Variants in AMOTL1 observed in about 807,000 individuals in gnomAD.
AMOTL1 encodes angiomotin-like protein 1.
Under a neutral mutation model 102.9 loss-of-function variants are expected in AMOTL1, and 45 were observed. The observed-to-expected ratio is 0.44, with a 90% CI of 0.34 to 0.56. AMOTL1 has a LOEUF of 0.56. AMOTL1 is among the 20% of genes least tolerant of loss of function. The pLI, the probability that AMOTL1 is intolerant of heterozygous loss-of-function variation, is 0.01. For missense variants in AMOTL1, 1,114 were observed against 1,225.6 expected (o/e 0.91, Z 1.36); for synonymous variants, 481 against 484.7 (o/e 0.99, Z 0.10).
intron 1 of AMOTL1, among the ~76,000 whole-genome samples, chr11:94,714,308 T>A (rs76815245): frequency 0.022 from 3,354 of 152,196 alleles, 131 homozygotes; most frequent in African/African-American, 0.075. Context: ...TAAGGATTTT[T>A]GCATCCCAGT....
Position 94,768,524 on chromosome 11 carries a change from A to G in AMOTL1, c.13A>G (p.Lys5Glu). Residue 5 changes from lysine to glutamate, a missense_variant, in exon 1 of 13, where the codon AAG (lysine) becomes GAG (glutamate). By Grantham distance (56) the Lys-to-Glu change is moderately conservative. Coordinates refer to ENST00000433060, the MANE Select transcript of AMOTL1 (RefSeq NM_130847.3). ...CCATGATCGCCTCATGTGGAGGGCAAAGTTGCGCCGGGGAACTTGTGAGCC... is the reference window on the plus strand; with the variant it reads ...CCATGATCGCCTCATGTGGAGGGCAGAGTTGCGCCGGGGAACTTGTGAGCC... MWRA[K>E]LRRGTCEPAV... 1.9e-6 allele frequency: 3 copies of G among 1,602,062 alleles called. No homozygotes were observed. Among genetic ancestry groups the G allele is most frequent in the Non-Finnish European group, 2.6e-6 (3 of 1,174,842 alleles).
chr11:94,748,848 A>T (rs980818179), intron 3 of AMOTL1, among the ~76,000 whole-genome samples: 18 of 152,176 alleles, frequency 1.2e-4, no homozygotes, highest in Non-Finnish European at 2.1e-4. Context: ...AAGAGAACTC[A>T]GTGTACCTAC....
At chr11:94,735,509 C>A (rs1246558399) in intron 2 of AMOTL1, among the ~76,000 whole-genome samples, 1 of 152,128 alleles carries the variant, frequency 6.6e-6, no homozygotes, top group Non-Finnish European at 1.5e-5. Context: ...TTACTGTTTT[C>A]TAATGGTTGA....
At chr11:94,716,016 C>A (rs1950090540) in intron 1 of AMOTL1, among the ~76,000 whole-genome samples, 2 of 151,982 alleles carry the variant, frequency 1.3e-5, no homozygotes. Flanking sequence ...TGTTTTGATC[C>A]TACAGAGCCT....
At chr11:94,725,481 TATG>T (rs1950242804) in intron 1 of AMOTL1, among the ~76,000 whole-genome samples, 1 of 152,170 alleles carries the variant, frequency 6.6e-6, no homozygotes, top group Non-Finnish European at 1.5e-5. Context: ...GTGCCTCCCT[TATG>T]ATGACACTGT....
chr11:94,717,178 G>A (rs1037280535), intron 1 of AMOTL1, among the ~76,000 whole-genome samples: 4 of 151,236 alleles, frequency 2.6e-5, no homozygotes, highest in African/African-American at 7.3e-5. Context: ...TCCATATTTC[G>A]GAGTCCTTTT....
chr11:94,712,511 T>C (rs1348822719), intron 1 of AMOTL1, among the ~76,000 whole-genome samples: 1 of 152,066 alleles, frequency 6.6e-6, no homozygotes, highest in Non-Finnish European at 1.5e-5. Flanking sequence ...AAAGAGCTTC[T>C]GTGCAACAAA....
intron 6 of AMOTL1, among the ~76,000 whole-genome samples, chr11:94,832,445 G>T (rs1043351311): frequency 3.9e-5 from 6 of 152,146 alleles, no homozygotes; most frequent in African/African-American, 9.7e-5. Flanking sequence ...AATACTGTTT[G>T]GTTAGGTTTA....
intron 4 of AMOTL1, among the ~76,000 whole-genome samples, chr11:94,823,713 CAT>C (rs978800661): frequency 3.4e-5 from 5 of 147,568 alleles, no homozygotes; most frequent in Non-Finnish European, 7.4e-5. Context: ...TTTTTATTAA[CAT>C]GTACTTTTTT....
intron 4 of AMOTL1, among the ~76,000 whole-genome samples, chr11:94,828,330 T>C (rs1297001722): frequency 1.3e-5 from 2 of 152,240 alleles, no homozygotes; most frequent in African/African-American, 4.8e-5. Context: ...GCCCTTGTCA[T>C]CTGTCATTGA....
chr11:94,871,351 C>A lies in AMOTL1; in HGVS notation c.*556C>A, dbSNP rs1305908021. 6.6e-6 allele frequency: 1 copy of A among 152,236 alleles called. No homozygotes were observed. The highest frequency in any genetic ancestry group is 1.5e-5 in the Non-Finnish European group (1 of 68,096). 9.4% of individuals were successfully genotyped at this position (152,236 alleles called of 1,614,324 possible). A position where few individuals can be genotyped will look rare whatever the true frequency, so the allele number is the denominator to read the frequency against. On this transcript the variant is annotated 3_prime_UTR_variant, in exon 13 of 13. Transcript: ENST00000433060. ...TGAAAGTTGGTCTTCACCTAATTAC[C>A]TGTTTGGTTTGGATTTTCAAGAGAT...
chr11:94,715,872 G>A (rs1253350156), intron 1 of AMOTL1, among the ~76,000 whole-genome samples: 2 of 151,988 alleles, frequency 1.3e-5, no homozygotes, highest in African/African-American at 4.8e-5. Flanking sequence ...GGTTCACTTG[G>A]CTTCTTGAAT....
Position 94,755,007 on chromosome 11 carries a change from G to A in AMOTL1, c.136+14019G>A, listed in dbSNP as rs143239860. On this transcript the variant is annotated intron_variant, in intron 3 of 4. Coordinates refer to the AMOTL1 transcript ENST00000299004. ...TTGGATTTTGGCTTGCTCTTAGTAG[G>A]TGTGATAAATGGTGACTCAGTTCCA... Among the ~76,000 whole-genome samples the A allele has an allele frequency of 1.9e-3, 293 of 152,276 alleles. 1 individual carries two copies. Among genetic ancestry groups the A allele is most frequent in the Middle Eastern group, 6.8e-3 (2 of 294 alleles).
chr11:94,756,299 G>C (rs1375459763), intron 3 of AMOTL1, among the ~76,000 whole-genome samples: 2 of 152,160 alleles, frequency 1.3e-5, no homozygotes, highest in Non-Finnish European at 2.9e-5. Context: ...ATTTAGGTTT[G>C]TGGGCACAGG....
chr11:94,741,852 G>T (rs1028323905), intron 3 of AMOTL1, among the ~76,000 whole-genome samples: 4 of 152,070 alleles, frequency 2.6e-5, no homozygotes, highest in African/African-American at 9.7e-5. Context: ...TTTATTTTAT[G>T]ATATATGTTG....
At chr11:94,772,247 G>A (rs1950962642) in intron 1 of AMOTL1, among the ~76,000 whole-genome samples, 1 of 152,120 alleles carries the variant, frequency 6.6e-6, no homozygotes, top group Non-Finnish European at 1.5e-5. Flanking sequence ...TTCTATGTGT[G>A]TACTTCTATG....
chr11:94,794,977 G>A, intron 1 of AMOTL1, 34 bp from the exon 2 acceptor site: 1 of 1,575,686 alleles, frequency 6.3e-7, no homozygotes, highest in Non-Finnish European at 8.6e-7. Context: ...GGACTTGATG[G>A]GCACTCATAT....
chr11:94,859,496 G>A (rs1460414180), intron 8 of AMOTL1, 29 bp from the exon 9 acceptor site: 6 of 1,587,968 alleles, frequency 3.8e-6, no homozygotes, highest in Non-Finnish European at 4.3e-6. Flanking sequence ...GTGGTTTTGA[G>A]CATCAAGATT....
At position 94,818,696 on chromosome 11, in the gene AMOTL1, A is replaced by G. The variant is rs531800110; in HGVS notation, c.1122-2834A>G. The stretch of plus-strand genomic sequence containing the variant: ...TGTTTTTCAATGTTTATTATTTTCT[A>G]TAGTTTGGACTGAATTCTAAAGTTT... On this transcript the variant is annotated intron_variant, in intron 3 of 12. Transcript: ENST00000433060. Among the ~76,000 whole-genome samples the G allele has an allele frequency of 7.2e-5, 11 of 152,284 alleles. No individual in the cohort carries two copies. In the South Asian group the frequency reaches 2.1e-3, roughly 29 times the overall value.
Sources: allele counts gnomAD v4.1 joint callset (sites outside exome capture counted in the v4.1 genomes callset), GRCh38; gene constraint gnomAD v4.1.1; transcripts MANE v1.5; gene names NCBI Gene and HGNC (gene_info 2026-07-23, HGNC 2026-07-21).